Variants in RBFOX1 observed in about 807,000 individuals in gnomAD.
RBFOX1 encodes the protein RNA binding protein fox-1 homolog 1.
Under a neutral mutation model 57.7 loss-of-function variants are expected in RBFOX1, and 8 were observed. The observed-to-expected ratio is 0.14, with a 90% CI of 0.08 to 0.25. The LOEUF is 0.25. RBFOX1 is among the 10% of genes least tolerant of loss of function. RBFOX1 has a pLI of 1.00. For missense variants in RBFOX1, 611 were observed against 548.5 expected, an observed-to-expected ratio of 1.11 and a Z score of -1.14; for synonymous variants, 326 against 222.4, an observed-to-expected ratio of 1.47 and a Z score of -4.15.
At chr16:6,717,421 T>G (rs1345880846) in intron 3 of RBFOX1, among the ~76,000 whole-genome samples, 3 of 152,132 alleles carry the variant, frequency 2.0e-5, no homozygotes, top group South Asian at 2.1e-4. Flanking sequence ...CATAAGAAAC[T>G]TGAGAGCAGA....
chr16:6,085,539 G>C (rs1165815707), intron 1 of RBFOX1, among the ~76,000 whole-genome samples: 1 of 152,204 alleles, frequency 6.6e-6, no homozygotes. Flanking sequence ...CCGGTGTTGG[G>C]ATTACAGGCG....
At chr16:6,754,560 C>T (rs974025915) in intron 3 of RBFOX1, among the ~76,000 whole-genome samples, 1 of 152,282 alleles carries the variant, frequency 6.6e-6, no homozygotes, top group South Asian at 2.1e-4. Flanking sequence ...CATAGAATTT[C>T]TCTCTACAAA....
At chr16:7,706,637 A>C (rs1316268278) in intron 14 of RBFOX1, among the ~76,000 whole-genome samples, 1 of 152,234 alleles carries the variant, frequency 6.6e-6, no homozygotes, top group East Asian at 1.9e-4. Flanking sequence ...ACACCTTGCC[A>C]TAACATCACT....
intron 3 of RBFOX1, among the ~76,000 whole-genome samples, chr16:6,929,864 C>T (rs996552976): frequency 6.6e-6 from 1 of 152,134 alleles, no homozygotes; most frequent in South Asian, 2.1e-4. Flanking sequence ...TCCTGACCTA[C>T]ATTTAAAAAA....
intron 1 of RBFOX1, among the ~76,000 whole-genome samples, chr16:6,044,035 C>T (rs1399706066): frequency 1.3e-5 from 2 of 152,154 alleles, no homozygotes; most frequent in African/African-American, 2.4e-5. Flanking sequence ...TCTGCCTACA[C>T]CTTTGAAAAC....
chr16:6,609,142 T>C (rs995844731), intron 2 of RBFOX1, among the ~76,000 whole-genome samples: 1 of 152,144 alleles, frequency 6.6e-6, no homozygotes, highest in African/African-American at 2.4e-5. Flanking sequence ...CCTTTTACCA[T>C]GTCATATGAT....
intron 3 of RBFOX1, among the ~76,000 whole-genome samples, chr16:6,676,464 C>T (rs752002537): frequency 1.3e-5 from 2 of 151,952 alleles, no homozygotes; most frequent in Non-Finnish European, 2.9e-5. Context: ...AGAGAGGAGG[C>T]AGAAAGGTCC....
At chr16:6,801,086 G>T (rs1187148972) in intron 3 of RBFOX1, among the ~76,000 whole-genome samples, 1 of 151,848 alleles carries the variant, frequency 6.6e-6, no homozygotes, top group Non-Finnish European at 1.5e-5. Context: ...TAAAAGTGCG[G>T]ATTGCCATTC....
At chr16:6,794,233 A>G (rs1197768572) in intron 3 of RBFOX1, among the ~76,000 whole-genome samples, 1 of 150,546 alleles carries the variant, frequency 6.6e-6, no homozygotes, top group East Asian at 2.0e-4. Context: ...AGGTCCTCTC[A>G]GAGCTCTTCA....
chr16:5,293,029 A>T (rs1596418797), intron 1 of RBFOX1, among the ~76,000 whole-genome samples: 1 of 152,088 alleles, frequency 6.6e-6, no homozygotes, highest in Middle Eastern at 3.4e-3. Flanking sequence ...AACTTCAAAT[A>T]GAATTTGGAG....
intron 4 of RBFOX1, among the ~76,000 whole-genome samples, chr16:7,279,089 CTT>C (rs200732239): frequency 1.0e-4 from 14 of 136,502 alleles, no homozygotes; most frequent in Admixed American, 3.0e-4. Flanking sequence ...TCTGGAGACT[CTT>C]TTTTTTTTTT....
intron 11 of RBFOX1, among the ~76,000 whole-genome samples, chr16:7,639,267 C>G (rs1037750810): frequency 6.6e-5 from 10 of 152,122 alleles, no homozygotes; most frequent in Non-Finnish European, 1.5e-4. Flanking sequence ...ATTTCTATCC[C>G]CACACTTTCA....
intron 3 of RBFOX1, among the ~76,000 whole-genome samples, chr16:5,779,393 C>T (rs552477339): frequency 1.5e-4 from 23 of 152,288 alleles, no homozygotes; most frequent in African/African-American, 4.8e-4. Flanking sequence ...GATGATCACC[C>T]GAGCTGTAGC....
intron 4 of RBFOX1, among the ~76,000 whole-genome samples, chr16:5,959,410 G>C (rs2059707010): frequency 6.6e-6 from 1 of 152,128 alleles, no homozygotes; most frequent in African/African-American, 2.4e-5. Flanking sequence ...GGTGAATGCA[G>C]ATTCTACACA....
At chr16:7,626,680 T>C (rs751866342) in intron 10 of RBFOX1, among the ~76,000 whole-genome samples, 9 of 151,764 alleles carry the variant, frequency 5.9e-5, no homozygotes, top group Non-Finnish European at 1.3e-4. Context: ...GCTATTTCAA[T>C]CTGTAAAAGT....
In RBFOX1 at chr16:5,243,795, C is replaced by T. The variant is rs145409244; in HGVS notation, c.219+3690C>T. On this transcript the variant is annotated intron_variant, in intron 1 of 2. Transcript: ENST00000585867. ...ACTGCAGGGGACTCAGTTTTCTCAT[C>T]TATAAAATGGAGATAAATGAGATAC... Among the ~76,000 whole-genome samples the T allele has an allele frequency of 2.4e-3, 366 of 152,176 alleles. 2 individuals are homozygous for T. The highest frequency in any genetic ancestry group is 7.6e-3 in the African/African-American group (317 of 41,512).
At chr16:7,415,817 C>T (rs1382320307) in intron 4 of RBFOX1, among the ~76,000 whole-genome samples, 2 of 152,020 alleles carry the variant, frequency 1.3e-5, no homozygotes, top group Admixed American at 6.6e-5. Context: ...CCCTTCTTTC[C>T]AAAGTTATTT....
At chr16:5,267,270 AT>A (rs1459287768) in intron 1 of RBFOX1, among the ~76,000 whole-genome samples, 1 of 151,014 alleles carries the variant, frequency 6.6e-6, no homozygotes, top group Non-Finnish European at 1.5e-5. Context: ...ATAAACATTA[AT>A]TCTGTTACAA....
At chr16:7,207,477 C>G (rs902395767) in intron 4 of RBFOX1, among the ~76,000 whole-genome samples, 2 of 152,112 alleles carry the variant, frequency 1.3e-5, no homozygotes, top group African/African-American at 4.8e-5. Context: ...CAGTGCAACC[C>G]CCGGACTGGC....
Sources: allele counts gnomAD v4.1 joint callset (sites outside exome capture counted in the v4.1 genomes callset), GRCh38; gene constraint gnomAD v4.1.1; transcripts MANE v1.5; gene names NCBI Gene and HGNC (gene_info 2026-07-23, HGNC 2026-07-21).